Variants in PRDM6 observed in about 807,000 individuals in gnomAD.
PRDM6 encodes the protein PR/SET domain 6.
A neutral mutation model predicts 60.8 loss-of-function variants in PRDM6; 25 were observed. The observed-to-expected ratio is 0.41, with a 90% CI of 0.30 to 0.57. PRDM6 has a LOEUF of 0.57. Among genes scored for constraint, PRDM6 ranks in the 20% least tolerant of loss-of-function variants. PRDM6 has a pLI of 0.27. For synonymous variants in PRDM6, 407 were observed against 357.4 expected (o/e 1.14, Z -1.57); for missense variants, 839 against 821.3 (o/e 1.02, Z -0.26).
At chr5:123,106,253 A>G in intron 3 of PRDM6, among the ~76,000 whole-genome samples, 1 of 152,248 alleles carries the variant, frequency 6.6e-6, no homozygotes, top group East Asian at 1.9e-4. Context: ...GGGAAAGAGC[A>G]TAGTGTGCAG....
rs1766470225 is a variant in PRDM6 at position 123,193,572 on chromosome 5, A to G, written c.*6371A>G. Reference sequence around the variant, plus strand: ...CAGAGGCAAAATTATTCTCCTTAGCAGTTCTAAGTATTTCATGAAAAAGCC... The same window carrying G: ...CAGAGGCAAAATTATTCTCCTTAGCGGTTCTAAGTATTTCATGAAAAAGCC... On this transcript the variant is annotated 3_prime_UTR_variant, in exon 8 of 8. Transcript: ENST00000407847. The G allele has an allele frequency of 6.6e-6, 1 of 152,206 alleles. No individual in the cohort carries two copies. The highest frequency in any genetic ancestry group is 6.5e-5 in the Admixed American group (1 of 15,284). 9.4% of individuals were successfully genotyped at this position (152,206 alleles called of 1,614,324 possible). A position where few individuals can be genotyped will look rare whatever the true frequency, so the allele number is the denominator to read the frequency against.
At chr5:123,171,722 T>G (rs1370119463) in intron 6 of PRDM6, among the ~76,000 whole-genome samples, 1 of 152,184 alleles carries the variant, frequency 6.6e-6, no homozygotes, top group Non-Finnish European at 1.5e-5. Context: ...AAAGTTGGTT[T>G]GAAAGTTTGT....
At position 123,099,584 on chromosome 5, in the gene PRDM6, T is replaced by G. The variant is rs571019938; in HGVS notation, c.593-70T>G. On this transcript the variant is annotated intron_variant, in intron 2 of 7. Coordinates refer to ENST00000407847, the MANE Select transcript of PRDM6 (RefSeq NM_001136239.4). This position sits in a 1 kb window ranked among gnomAD's most constrained non-coding sequence, Gnocchi z 4.0. The stretch of plus-strand genomic sequence containing the variant: ...TGATGCTGTTGTCTCGGGAGTTTAC[T>G]CAAAGATGGGCCGCTCGGGGCGGCC... 379 of 1,371,946 alleles carry G rather than the reference T, an allele frequency of 2.8e-4. No individual in the cohort carries two copies. The highest frequency in any genetic ancestry group is 3.5e-4 in the Non-Finnish European group (368 of 1,047,018). The allele number at this position is 1,371,946 out of a possible 1,614,324, so 85.0% of individuals were successfully genotyped here. A position where few individuals can be genotyped will look rare whatever the true frequency, so the allele number is the denominator to read the frequency against.
At position 123,090,064 on chromosome 5, in the gene PRDM6, C is replaced by T. The variant is rs1048678621; in HGVS notation, c.50C>T (p.Pro17Leu). The T allele has an allele frequency of 5.2e-6, 8 of 1,548,350 alleles. No individual in the cohort carries two copies. The African/African-American group carries it at 9.6e-5, about 19-fold the overall frequency. Residue 17 changes from proline (P) to leucine (L), a missense_variant, in exon 2 of 8, where the codon CCA becomes CTA. Coordinates refer to ENST00000407847, the MANE Select transcript of PRDM6 (RefSeq NM_001136239.4). ...PGGSAFLKVD[P>L]AYLQHWQQLF... Reference sequence around the variant, plus strand: ...GGTTCGGCCTTCCTCAAAGTGGACCCAGCCTACCTGCAGCACTGGCAGCAA... The same window carrying T: ...GGTTCGGCCTTCCTCAAAGTGGACCTAGCCTACCTGCAGCACTGGCAGCAA...
In PRDM6 at chr5:123,189,425, A is replaced by AT. The variant is rs1353947822; in HGVS notation, c.*2225dup. 1.3e-5 allele frequency: 2 copies of AT among 152,080 alleles called. No individual in the cohort carries two copies. The highest frequency in any genetic ancestry group is 6.6e-5 in the Admixed American group (1 of 15,266). 9.4% of individuals were successfully genotyped at this position (152,080 alleles called of 1,614,324 possible). ...GAACACCATGTACTACTCAGTTCTC[A>AT]TGAGCTTCAGAACGTGGGAGAATGA... On this transcript the variant is annotated 3_prime_UTR_variant, in exon 8 of 8. Coordinates refer to ENST00000407847, the MANE Select transcript of PRDM6 (RefSeq NM_001136239.4).
chr5:123,137,718 G>T (rs956815128), intron 3 of PRDM6, among the ~76,000 whole-genome samples: 1 of 152,162 alleles, frequency 6.6e-6, no homozygotes, highest in East Asian at 1.9e-4. Context: ...CAGCAAACCC[G>T]CATGGCATGT....
chr5:123,168,335 C>T (rs1765806182), intron 5 of PRDM6, among the ~76,000 whole-genome samples: 1 of 151,982 alleles, frequency 6.6e-6, no homozygotes, highest in Non-Finnish European at 1.5e-5. Context: ...GCTGTAAAAA[C>T]ATCCTTTAAA....
chr5:123,138,034 C>CG (rs1554088095), intron 3 of PRDM6, among the ~76,000 whole-genome samples: 1 of 151,870 alleles, frequency 6.6e-6, no homozygotes, highest in Non-Finnish European at 1.5e-5. Flanking sequence ...TTCACCCCCG[C>CG]ACCTTTCAAA....
intron 3 of PRDM6, among the ~76,000 whole-genome samples, chr5:123,118,361 G>A (rs575915605): frequency 2.6e-5 from 4 of 152,304 alleles, no homozygotes; most frequent in East Asian, 1.9e-4. Flanking sequence ...AATTGGAGTC[G>A]CATCAGTGAA....
intron 3 of PRDM6, among the ~76,000 whole-genome samples, chr5:123,131,552 T>C (rs1239818426): frequency 1.3e-5 from 2 of 152,248 alleles, no homozygotes; most frequent in African/African-American, 4.8e-5. Flanking sequence ...TTGCACATAC[T>C]ATCCACCTTA....
intron 3 of PRDM6, among the ~76,000 whole-genome samples, chr5:123,109,666 C>T (rs936660047): frequency 6.6e-5 from 10 of 152,154 alleles, no homozygotes; most frequent in African/African-American, 2.4e-4. Context: ...GGATGGCTCT[C>T]ATTTTTAAAA....
intron 2 of PRDM6, among the ~76,000 whole-genome samples, chr5:123,098,500 C>T (rs747723641): frequency 7.7e-4 from 117 of 152,370 alleles, no homozygotes; most frequent in Non-Finnish European, 1.2e-3. Context: ...ACAGCGCAGT[C>T]GCCACAGGCT....
chr5:123,124,754 G>A (rs451606), intron 3 of PRDM6, among the ~76,000 whole-genome samples: 137,968 of 152,158 alleles, frequency 0.91, 62,758 homozygotes, highest in East Asian at 0.99. Flanking sequence ...AAAGTTGGAC[G>A]GCTCTGTCAT....
chr5:123,143,144 T>A (rs1765154128), intron 3 of PRDM6, among the ~76,000 whole-genome samples: 2 of 143,768 alleles, frequency 1.4e-5, no homozygotes, highest in South Asian at 4.7e-4. Context: ...GCAGTAGTTT[T>A]TAAAGTGTGT....
intron 3 of PRDM6, among the ~76,000 whole-genome samples, chr5:123,106,227 A>G (rs1764194675): frequency 6.6e-6 from 1 of 152,224 alleles, no homozygotes; most frequent in Admixed American, 6.5e-5. Context: ...AGAGCAATCT[A>G]TGTGTGGCGG....
intron 3 of PRDM6, among the ~76,000 whole-genome samples, chr5:123,101,734 T>G (rs940103338): frequency 6.6e-6 from 1 of 152,004 alleles, no homozygotes; most frequent in African/African-American, 2.4e-5. Context: ...GTGGGTTTTT[T>G]CCCCCCCAGA....
intron 5 of PRDM6, among the ~76,000 whole-genome samples, chr5:123,167,244 A>G (rs994101202): frequency 6.6e-6 from 1 of 151,826 alleles, no homozygotes; most frequent in Non-Finnish European, 1.5e-5. Context: ...ATCAAACACT[A>G]GATCTTATTT....
intron 3 of PRDM6, among the ~76,000 whole-genome samples, chr5:123,115,413 A>G (rs960647194): frequency 2.0e-5 from 3 of 152,202 alleles, no homozygotes; most frequent in African/African-American, 7.2e-5. Context: ...TCCTCTACTC[A>G]TAGTGAGCCA....
At chr5:123,136,925 A>T (rs1432492848) in intron 3 of PRDM6, among the ~76,000 whole-genome samples, 2 of 152,188 alleles carry the variant, frequency 1.3e-5, no homozygotes, top group African/African-American at 2.4e-5. Context: ...GGTGGCAACA[A>T]CCCACACTCT....
Sources: allele counts gnomAD v4.1 joint callset (sites outside exome capture counted in the v4.1 genomes callset), GRCh38; gene constraint gnomAD v4.1.1; non-coding constraint Gnocchi (gnomAD v3.1); transcripts MANE v1.5; gene names NCBI Gene and HGNC (gene_info 2026-07-23, HGNC 2026-07-21).